The following HDAC9 variants were observed in gnomAD, a reference collection of about 807,000 sequenced individuals.
HDAC9 encodes MEF-2 interacting transcription repressor (MITR) protein.
A neutral mutation model predicts 139.4 loss-of-function variants in HDAC9; 41 were observed. The ratio of observed to expected loss-of-function variants is 0.29; its 90% CI spans 0.23 to 0.38. The LOEUF is 0.38. Among genes scored for constraint, HDAC9 ranks in the 10% least tolerant of loss-of-function variants. The probability of loss-of-function intolerance (pLI) is 1.00; values close to 1 mark genes in which losing one functional copy is unlikely to be tolerated. For missense variants in HDAC9, 1,147 were observed against 1,297.0 expected, an observed-to-expected ratio of 0.88 and a Z score of 1.78; for synonymous variants, 517 against 476.2, an observed-to-expected ratio of 1.09 and a Z score of -1.12.
At chr7:18,127,147 T>C (rs1754837648) in intron 1 of HDAC9, 1 of 167,952 alleles carries the variant, frequency 6.0e-6, no homozygotes, top group Non-Finnish European at 1.5e-5. Context: ...TGTGAGTTTG[T>C]GCTTCTCTTC....
At chr7:18,301,137 C>T (rs1376176810) in intron 1 of HDAC9, among the ~76,000 whole-genome samples, 1 of 151,858 alleles carries the variant, frequency 6.6e-6, no homozygotes, top group African/African-American at 2.4e-5. Context: ...ATTTTGATGA[C>T]CTTATTATAC....
intron 2 of HDAC9, among the ~76,000 whole-genome samples, chr7:18,279,683 C>G (rs773818128): frequency 2.5e-4 from 38 of 151,954 alleles, no homozygotes; most frequent in Non-Finnish European, 4.6e-4. Flanking sequence ...CCAGGCTGGT[C>G]TTAAACTCCT....
chr7:18,308,071 A>G (rs996644439), intron 1 of HDAC9, among the ~76,000 whole-genome samples: 8 of 152,238 alleles, frequency 5.3e-5, no homozygotes, highest in Admixed American at 5.2e-4. Flanking sequence ...TGTTACAAAT[A>G]TAAAAATACA....
chr7:18,772,264 A>C (rs1427789045), intron 16 of HDAC9, among the ~76,000 whole-genome samples: 1 of 152,104 alleles, frequency 6.6e-6, no homozygotes, highest in Non-Finnish European at 1.5e-5. Context: ...AGGCAATAGA[A>C]CACACCGTAT....
intron 2 of HDAC9, among the ~76,000 whole-genome samples, chr7:18,552,129 A>G (rs1444277477): frequency 6.6e-6 from 1 of 152,162 alleles, no homozygotes; most frequent in African/African-American, 2.4e-5. Flanking sequence ...ACTGTGACAA[A>G]TATATTGTAG....
chr7:18,760,454 A>G (rs973458703), intron 14 of HDAC9, among the ~76,000 whole-genome samples: 9 of 152,190 alleles, frequency 5.9e-5, no homozygotes, highest in Non-Finnish European at 7.3e-5. Flanking sequence ...CTAATCAATC[A>G]GAAAGATGGC....
chr7:18,701,219 A>G (rs1218232438), intron 12 of HDAC9, among the ~76,000 whole-genome samples: 4 of 152,114 alleles, frequency 2.6e-5, no homozygotes, highest in African/African-American at 9.7e-5. Flanking sequence ...AACAAACAAG[A>G]AAACAACTCT....
chr7:18,197,591 A>G (rs1350185143), intron 2 of HDAC9, among the ~76,000 whole-genome samples: 1 of 152,124 alleles, frequency 6.6e-6, no homozygotes, highest in Non-Finnish European at 1.5e-5. Flanking sequence ...AAGCATAGGC[A>G]AGGATTTGAC....
At chr7:18,694,390 C>T (rs1203535622) in intron 12 of HDAC9, among the ~76,000 whole-genome samples, 34 of 152,126 alleles carry the variant, frequency 2.2e-4, no homozygotes, top group Non-Finnish European at 2.9e-5. Flanking sequence ...AGTCAAGGAG[C>T]TATCTCATTT....
chr7:18,820,318 C>T (rs919285966), intron 17 of HDAC9, among the ~76,000 whole-genome samples: 2 of 152,026 alleles, frequency 1.3e-5, no homozygotes, highest in African/African-American at 4.8e-5. Flanking sequence ...AAACTTGGTT[C>T]TAGTATAATA....
chr7:18,149,651 C>T (rs142424935), intron 1 of HDAC9, among the ~76,000 whole-genome samples: 2,168 of 151,964 alleles, frequency 0.014, 45 homozygotes, highest in African/African-American at 0.05. Flanking sequence ...CCCGGGTTCA[C>T]GCCATTCTCC....
intron 1 of HDAC9, among the ~76,000 whole-genome samples, chr7:18,121,731 G>T (rs1475840346): frequency 6.6e-6 from 1 of 152,076 alleles, no homozygotes; most frequent in Non-Finnish European, 1.5e-5. Flanking sequence ...GAACACTGAG[G>T]CCTAAACCTT....
At chr7:18,704,400 A>G (rs1048239606) in intron 12 of HDAC9, among the ~76,000 whole-genome samples, 5 of 152,208 alleles carry the variant, frequency 3.3e-5, no homozygotes, top group African/African-American at 1.2e-4. Flanking sequence ...TCTTCTGTGT[A>G]CTGCAGAAAA....
upstream of HDAC9, among the ~76,000 whole-genome samples, chr7:18,287,859 A>T (rs995738752): frequency 6.6e-6 from 1 of 152,248 alleles, no homozygotes; most frequent in African/African-American, 2.4e-5. Context: ...AGTGGACTGC[A>T]GTCCTGTTAT....
intron 1 of HDAC9, among the ~76,000 whole-genome samples, chr7:18,442,508 G>A (rs1791882664): frequency 6.6e-6 from 1 of 152,100 alleles, no homozygotes; most frequent in African/African-American, 2.4e-5. Context: ...TTTGCTTAAT[G>A]TATTCATATG....
chr7:18,601,552 T>G (rs1833952692), intron 6 of HDAC9, among the ~76,000 whole-genome samples: 1 of 152,196 alleles, frequency 6.6e-6, no homozygotes, highest in South Asian at 2.1e-4. Context: ...CATCCTCACC[T>G]TGTTCCCAAT....
At chr7:18,307,678 A>G (rs939896427) in intron 1 of HDAC9, among the ~76,000 whole-genome samples, 1 of 152,064 alleles carries the variant, frequency 6.6e-6, no homozygotes, top group Non-Finnish European at 1.5e-5. Flanking sequence ...TGGTACATAC[A>G]TGTAGCCCCA....
In HDAC9 at chr7:18,789,284, A is replaced by ATG. The variant is rs1554356269; in HGVS notation, c.2215-4061_2215-4060insTG. Among the ~76,000 whole-genome samples the ATG allele has an allele frequency of 5.7e-5, 8 of 139,506 alleles. No homozygotes were observed. The South Asian group carries it at 6.7e-4, about 12-fold the overall frequency. The allele number at this position is 139,506 out of a possible 152,430, so 91.5% of individuals were successfully genotyped here. On this transcript the variant is annotated intron_variant, in intron 16 of 25. Transcript: ENST00000686413. ...CCTTAATGCACACGCAGACACATACACGCACACACACACACACACACACAC... is the reference window on the plus strand; with the variant it reads ...CCTTAATGCACACGCAGACACATACATGCGCACACACACACACACACACACAC...
intron 2 of HDAC9, among the ~76,000 whole-genome samples, chr7:18,533,400 T>C (rs535059208): frequency 6.6e-6 from 1 of 152,308 alleles, no homozygotes; most frequent in African/African-American, 2.4e-5. Context: ...GTTTTAATTT[T>C]CAGAAGAATA....
Sources: allele counts gnomAD v4.1 joint callset (sites outside exome capture counted in the v4.1 genomes callset), GRCh38; gene constraint gnomAD v4.1.1; transcripts MANE v1.5; gene names NCBI Gene and HGNC (gene_info 2026-07-23, HGNC 2026-07-21).